CTDSPL2: variants seen among roughly 807,000 people sequenced by gnomAD.
The protein encoded by CTDSPL2 is CTD small phosphatase-like protein 2.
CTDSPL2 carries 5 observed loss-of-function variants against 60.0 expected under a neutral mutation model. That is an observed-to-expected ratio of 0.08 (90% confidence interval 0.04 to 0.18). The LOEUF (loss-of-function observed/expected upper bound fraction) is 0.18, where lower values mean the gene tolerates loss of function less well. Among genes scored for constraint, CTDSPL2 ranks in the 10% least tolerant of loss-of-function variants. The probability of loss-of-function intolerance (pLI) is 1.00; values close to 1 mark genes in which losing one functional copy is unlikely to be tolerated. For missense variants in CTDSPL2, 370 were observed against 548.8 expected (o/e 0.67, Z 3.26); for synonymous variants, 186 against 189.3 (o/e 0.98, Z 0.14).
intron 2 of CTDSPL2, 34 bp downstream of exon 2, chr15:44,459,234 A>G: frequency 7.2e-6 from 11 of 1,522,870 alleles, no homozygotes; most frequent in Non-Finnish European, 9.8e-6. Flanking sequence ...CATATCATTA[A>G]AAGTGAAAAT....
At chr15:44,475,264 A>G (rs2080893100) in intron 2 of CTDSPL2, among the ~76,000 whole-genome samples, 1 of 152,108 alleles carries the variant, frequency 6.6e-6, no homozygotes, top group South Asian at 2.1e-4. Flanking sequence ...TATCTAGCAG[A>G]CTTTCAGCAC....
At chr15:44,493,260 G>A (rs2081246522) in intron 5 of CTDSPL2, among the ~76,000 whole-genome samples, 1 of 152,172 alleles carries the variant, frequency 6.6e-6, no homozygotes, top group Admixed American at 6.6e-5. Context: ...ATGATCATGA[G>A]AGTATAGATA....
At chr15:44,475,190 C>G (rs995141290) in intron 2 of CTDSPL2, among the ~76,000 whole-genome samples, 6 of 151,980 alleles carry the variant, frequency 3.9e-5, no homozygotes, top group Middle Eastern at 3.4e-3. Context: ...GCAGATAAAT[C>G]TTTCATTCAG....
At chr15:44,435,501 G>A (rs1328280130) in intron 1 of CTDSPL2, among the ~76,000 whole-genome samples, 28 of 151,480 alleles carry the variant, frequency 1.8e-4, no homozygotes, top group African/African-American at 5.6e-4. Flanking sequence ...CCCTGGAGGC[G>A]GAGGTTGCAG....
chr15:44,454,982 A>T (rs1211125312), intron 1 of CTDSPL2, among the ~76,000 whole-genome samples: 1 of 152,194 alleles, frequency 6.6e-6, no homozygotes, highest in Non-Finnish European at 1.5e-5. Context: ...TGGTAGCTTG[A>T]TAGGGATGGC....
intron 1 of CTDSPL2, chr15:44,449,236 C>G: frequency 7.6e-6 from 2 of 262,908 alleles, no homozygotes; most frequent in South Asian, 5.5e-5. Flanking sequence ...CTATCAGGAT[C>G]TTTCACTTTC....
intron 2 of CTDSPL2, among the ~76,000 whole-genome samples, chr15:44,461,867 C>G (rs1028036281): frequency 5.3e-5 from 8 of 152,180 alleles, no homozygotes; most frequent in Non-Finnish European, 4.4e-5. Context: ...GTTGGTCTTT[C>G]TGTCACAGAG....
rs556030747 is a variant in CTDSPL2 at position 44,488,760 on chromosome 15, A to G, written c.476-2024A>G. Among the ~76,000 whole-genome samples the G allele has an allele frequency of 3.3e-5, 5 of 152,282 alleles. No homozygotes were observed. In the South Asian group the frequency reaches 6.2e-4, roughly 19 times the overall value. ...CTTGAACCTGGGAGGCCGAGGTTGC[A>G]GTGAGCTGAGATCGCACCATTGCAC... is the stretch of plus-strand genomic sequence containing the variant. On this transcript the variant is annotated intron_variant, in intron 4 of 12. Transcript: ENST00000260327.
chr15:44,451,570 A>G (rs1475581959), intron 1 of CTDSPL2, among the ~76,000 whole-genome samples: 2 of 152,170 alleles, frequency 1.3e-5, no homozygotes, highest in African/African-American at 4.8e-5. Context: ...CTGGCACATG[A>G]TTAATATGTT....
intron 4 of CTDSPL2, among the ~76,000 whole-genome samples, chr15:44,489,870 C>G (rs1007772363): frequency 4.6e-5 from 7 of 152,018 alleles, no homozygotes; most frequent in African/African-American, 1.7e-4. Context: ...TTTTTTTGCA[C>G]ATTAGTGGAA....
intron 8 of CTDSPL2, 50 bp downstream of exon 8, chr15:44,499,863 T>TA (rs755242893): frequency 6.5e-5 from 67 of 1,027,356 alleles, no homozygotes; most frequent in East Asian, 9.6e-5. Flanking sequence ...AACATTCTGA[T>TA]AAAAAAAACT....
At chr15:44,474,241 T>C (rs2080868660) in intron 2 of CTDSPL2, among the ~76,000 whole-genome samples, 1 of 151,964 alleles carries the variant, frequency 6.6e-6, no homozygotes, top group South Asian at 2.1e-4. Context: ...CCTAGCACTT[T>C]AGGAGGCCGA....
intron 1 of CTDSPL2, chr15:44,448,070 C>T (rs2080254903): frequency 4.1e-6 from 1 of 243,804 alleles, no homozygotes; most frequent in East Asian, 1.2e-4. Flanking sequence ...AGGCCAGTGG[C>T]CATGTGATCC....
chr15:44,433,459 TACACAC>T (rs56657073), intron 1 of CTDSPL2, among the ~76,000 whole-genome samples: 10,145 of 147,746 alleles, frequency 0.069, 611 homozygotes, highest in African/African-American at 0.16. Context: ...TACATATATA[TACACAC>T]ACACACACAC....
chr15:44,480,407 A>T (rs573931137), intron 2 of CTDSPL2, among the ~76,000 whole-genome samples: 1 of 151,966 alleles, frequency 6.6e-6, no homozygotes, highest in Non-Finnish European at 1.5e-5. Context: ...GTTTGTTCTC[A>T]TCTGCTTGCA....
chr15:44,516,781 G>T (rs2081660652), intron 10 of CTDSPL2: 2 of 152,110 alleles, frequency 1.3e-5, no homozygotes, highest in East Asian at 3.9e-4. Flanking sequence ...ACACTTGAGG[G>T]TTTCCATTTG....
chr15:44,452,618 A>G (rs1011675645), intron 1 of CTDSPL2, among the ~76,000 whole-genome samples: 6 of 152,170 alleles, frequency 3.9e-5, no homozygotes, highest in African/African-American at 9.6e-5. Context: ...GCCCAATTTT[A>G]TCAAAAAACA....
chr15:44,433,470 A>T (rs890602741), intron 1 of CTDSPL2, among the ~76,000 whole-genome samples: 2 of 151,402 alleles, frequency 1.3e-5, no homozygotes, highest in African/African-American at 4.9e-5. Flanking sequence ...ACACACACAC[A>T]CACACACACA....
chr15:44,459,040 C>G lies in CTDSPL2; in HGVS notation c.26C>G (p.Ser9Cys). 6.3e-7 allele frequency: 1 copy of G among 1,598,702 alleles called. No homozygotes were observed. Among genetic ancestry groups the G allele is most frequent in the Non-Finnish European group, 8.5e-7 (1 of 1,172,456 alleles). MRLRTRKA[S>C]QQSNQIQTQR... ...ATGAGGCTGAGAACACGGAAAGCTTCTCAGCAGTCAAATCAAATCCAAACA... is the reference window on the plus strand; with the variant it reads ...ATGAGGCTGAGAACACGGAAAGCTTGTCAGCAGTCAAATCAAATCCAAACA... Residue 9 changes from serine (S) to cysteine (C), a missense_variant, in exon 2 of 13, where the codon TCT becomes TGT. By Grantham distance (112) the Ser-to-Cys change is moderately radical. Around this residue, in one of 6 missense-constraint regions of CTDSPL2, gnomAD observed 287 missense variants for 296.1 expected, o/e 0.97. Transcript: ENST00000260327.
Sources: allele counts gnomAD v4.1 joint callset (sites outside exome capture counted in the v4.1 genomes callset), GRCh38; gene constraint gnomAD v4.1.1; regional missense constraint gnomAD v4.1.1; transcripts MANE v1.5; gene names NCBI Gene and HGNC (gene_info 2026-07-23, HGNC 2026-07-21).